Variants in CCDC6 observed in about 807,000 individuals in gnomAD.
The protein encoded by CCDC6 is coiled-coil domain containing 6, also known as coiled-coil domain-containing protein 6.
Under a neutral mutation model 56.6 loss-of-function variants are expected in CCDC6, and 20 were observed. The observed-to-expected ratio is 0.35, with a 90% confidence interval of 0.25 to 0.51. CCDC6 has a LOEUF of 0.51. CCDC6 is among the 20% of genes least tolerant of loss of function. The pLI, the probability that CCDC6 is intolerant of heterozygous loss-of-function variation, is 0.95. For synonymous variants in CCDC6, 241 were observed against 234.4 expected (o/e 1.03, Z -0.26); for missense variants, 367 against 601.1 (o/e 0.61, Z 4.07).
chr10:59,887,385 T>C (rs1355403865), intron 1 of CCDC6, among the ~76,000 whole-genome samples: 1 of 151,836 alleles, frequency 6.6e-6, no homozygotes, highest in Non-Finnish European at 1.5e-5. Flanking sequence ...ATGACCTACG[T>C]TCAAGGTGAC....
chr10:59,886,605 G>T (rs950593525), intron 1 of CCDC6, among the ~76,000 whole-genome samples: 5 of 152,104 alleles, frequency 3.3e-5, no homozygotes, highest in African/African-American at 1.2e-4. Flanking sequence ...TAAAATGTTA[G>T]CAATATTTCC....
intron 3 of CCDC6, among the ~76,000 whole-genome samples, chr10:59,819,511 A>G (rs922559453): frequency 2.0e-5 from 3 of 152,160 alleles, no homozygotes; most frequent in Non-Finnish European, 4.4e-5. Context: ...TCCAAATCCT[A>G]TATACTTAGA....
chr10:59,842,128 T>G (rs7068104), intron 2 of CCDC6, among the ~76,000 whole-genome samples: 7 of 151,558 alleles, frequency 4.6e-5, no homozygotes, highest in African/African-American at 1.7e-4. Flanking sequence ...ATGCAACCTC[T>G]GCCTCCTGGT....
intron 1 of CCDC6, among the ~76,000 whole-genome samples, chr10:59,897,719 G>A (rs1438415559): frequency 6.6e-6 from 1 of 152,172 alleles, no homozygotes; most frequent in Non-Finnish European, 1.5e-5. Flanking sequence ...GACTCAAACT[G>A]TTCACTTATA....
At chr10:59,807,176 A>T in intron 5 of CCDC6, 98 bp from the exon 6 acceptor site, 1 of 1,068,388 alleles carries the variant, frequency 9.4e-7, no homozygotes, top group Non-Finnish European at 1.4e-6. Flanking sequence ...CCATAGACAG[A>T]GGGAATTGTT....
chr10:59,906,280 T>A lies in CCDC6; in HGVS notation c.145A>T (p.Ile49Phe). 3 of 1,609,964 alleles carry A rather than the reference T, an allele frequency of 1.9e-6. No homozygotes were observed. The highest frequency in any genetic ancestry group is 2.5e-6 in the Non-Finnish European group (3 of 1,179,702). Residue 49 changes from isoleucine (I) to phenylalanine (F), a missense_variant, in exon 1 of 9, where the codon ATT (isoleucine) becomes TTT (phenylalanine). Physicochemically the swap from Ile to Phe is conservative, Grantham distance 21 (BLOSUM62 0). Around this residue, in one of 7 missense-constraint regions of CCDC6, gnomAD observed 79 missense variants for 74.9 expected, o/e 1.05. Coordinates refer to ENST00000263102, the MANE Select transcript of CCDC6 (RefSeq NM_005436.5). ...TCCAGGCGGAACGGCGAGATGACAA[T>A]GCCCCCCGACTTCCCACCGCCGCCG... The part of the protein sequence containing the change: ...GGGGGGKSGG[I>F]VISPFRLEEL...
rs150988024 is a variant in CCDC6, at chr10:59,889,790, A to G, written c.303+16332T>C. 2.4e-3 allele frequency among the ~76,000 whole-genome samples: 360 copies of G among 152,086 alleles called. 2 individuals carry two copies. The highest frequency in any genetic ancestry group is 8.1e-3 in the African/African-American group (338 of 41,502). ...CATCTCAAGGCCCAGGGGAGTTCCA[A>G]CTTCTTGGTGACCGCAGCCCCTGGG... is the stretch of plus-strand genomic sequence containing the variant. On this transcript the variant is annotated intron_variant, in intron 1 of 8. Transcript: ENST00000263102.
Position 59,820,789 on chromosome 10 carries a change from G to GA in CCDC6, c.583-6035dup, listed in dbSNP as rs1400909531. The stretch of plus-strand genomic sequence containing the variant: ...TGAATGAACGAATGAAAGAAAGAAA[G>GA]AAAAAAAAGAAAAAGATAGCAGAAT... On this transcript the variant is annotated intron_variant, in intron 3 of 8. Transcript: ENST00000263102. Among the ~76,000 whole-genome samples, 5 of 123,552 alleles carry GA rather than the reference G, an allele frequency of 4.0e-5. No homozygotes were observed. In the East Asian group the frequency reaches 6.4e-4, roughly 16 times the overall value. The allele number at this position is 123,552 out of a possible 152,430, so 81.1% of individuals were successfully genotyped here. A position where few individuals can be genotyped will look rare whatever the true frequency, so the allele number is the denominator to read the frequency against.
intron 2 of CCDC6, among the ~76,000 whole-genome samples, chr10:59,847,368 A>T (rs1341284735): frequency 3.2e-4 from 47 of 145,660 alleles, no homozygotes; most frequent in Non-Finnish European, 7.6e-5. Context: ...ATTTTTTTTT[A>T]AATGAAAAGA....
intron 7 of CCDC6, among the ~76,000 whole-genome samples, chr10:59,800,529 C>A (rs1002727122): frequency 9.9e-5 from 15 of 152,018 alleles, no homozygotes; most frequent in Admixed American, 7.9e-4. Flanking sequence ...AGACATACTG[C>A]CATTTGTTTA....
chr10:59,822,907 A>C (rs1435440696), intron 3 of CCDC6, among the ~76,000 whole-genome samples: 2 of 151,766 alleles, frequency 1.3e-5, no homozygotes, highest in Admixed American at 6.6e-5. Context: ...TATAAAAAAA[A>C]AACAACCCCA....
chr10:59,874,141 A>ACACACACACG (rs1469138226), intron 1 of CCDC6, among the ~76,000 whole-genome samples: 3 of 151,552 alleles, frequency 2.0e-5, no homozygotes, highest in Non-Finnish European at 3.0e-5. Context: ...ACACACACAC[A>ACACACACACG]CACGCACACA....
At chr10:59,871,404 C>T (rs1364875527) in intron 1 of CCDC6, among the ~76,000 whole-genome samples, 1 of 147,380 alleles carries the variant, frequency 6.8e-6, no homozygotes, top group African/African-American at 2.5e-5. Flanking sequence ...GGAGGGACTG[C>T]TTTGTAGGCA....
intron 1 of CCDC6, among the ~76,000 whole-genome samples, chr10:59,876,137 C>T (rs893159215): frequency 2.9e-5 from 4 of 135,916 alleles, no homozygotes; most frequent in Non-Finnish European, 1.5e-5. Flanking sequence ...CAACCTCTGC[C>T]TCCCAGGTTC....
Position 59,793,114 on chromosome 10 carries a change from G to A in CCDC6, c.1231-3C>T. ...TTGCTTCTCCGTGGTGAAGGCCTCTGCAGAGGGGACAGGAACAGCAAGTCA... is the reference window on the plus strand; with the variant it reads ...TTGCTTCTCCGTGGTGAAGGCCTCTACAGAGGGGACAGGAACAGCAAGTCA... On this transcript the variant is annotated splice_region_variant and splice_polypyrimidine_tract_variant and intron_variant, in intron 8 of 8. Coordinates refer to ENST00000263102, the MANE Select transcript of CCDC6 (RefSeq NM_005436.5). 6.2e-7 allele frequency: 1 copy of A among 1,613,790 alleles called. No homozygotes were observed. The highest frequency in any genetic ancestry group is 8.5e-7 in the Non-Finnish European group (1 of 1,179,758).
chr10:59,799,970 A>C (rs559608639), intron 7 of CCDC6, among the ~76,000 whole-genome samples: 51 of 151,728 alleles, frequency 3.4e-4, no homozygotes, highest in African/African-American at 1.2e-3. Context: ...TAGCTCATTA[A>C]CTCCTCTCAA....
At chr10:59,797,477 G>A (rs565065745) in intron 7 of CCDC6, among the ~76,000 whole-genome samples, 8 of 149,368 alleles carry the variant, frequency 5.4e-5, no homozygotes, top group Admixed American at 2.0e-4. Flanking sequence ...GGAGAAAATC[G>A]AGCAAAGGAG....
intron 1 of CCDC6, among the ~76,000 whole-genome samples, chr10:59,893,154 T>C (rs1697630199): frequency 6.6e-6 from 1 of 152,176 alleles, no homozygotes; most frequent in South Asian, 2.1e-4. Flanking sequence ...GCAAAACAAA[T>C]CTATTAAATA....
chr10:59,836,567 TATTA>T (rs944701365), intron 2 of CCDC6, among the ~76,000 whole-genome samples: 18 of 152,376 alleles, frequency 1.2e-4, no homozygotes, highest in East Asian at 3.9e-4. Context: ...TAATCAAGCA[TATTA>T]ATTAATATTT....
Sources: allele counts gnomAD v4.1 joint callset (sites outside exome capture counted in the v4.1 genomes callset), GRCh38; gene constraint gnomAD v4.1.1; regional missense constraint gnomAD v4.1.1; transcripts MANE v1.5; gene names NCBI Gene and HGNC (gene_info 2026-07-23, HGNC 2026-07-21).